Variants in NCAM2 observed in about 807,000 individuals in gnomAD.
NCAM2 encodes N-CAM-2.
In NCAM2, 30 loss-of-function variants were observed where a neutral mutation model predicts 98.1. That is an observed-to-expected ratio of 0.31 (90% CI 0.23 to 0.41). NCAM2 has a LOEUF of 0.41. Ranked by LOEUF, NCAM2 falls within the 10% of genes least tolerant of loss-of-function variation. The probability of loss-of-function intolerance (pLI) is 1.00; values close to 1 mark genes in which losing one functional copy is unlikely to be tolerated. For missense variants in NCAM2, 867 were observed against 1,005.8 expected (o/e 0.86, Z 1.87); for synonymous variants, 368 against 342.4 (o/e 1.07, Z -0.83).
intron 4 of NCAM2, chr21:21,290,289 T>A (rs922586723): frequency 5.9e-5 from 9 of 151,980 alleles, no homozygotes; most frequent in African/African-American, 2.2e-4. Flanking sequence ...CTAAGTATGA[T>A]AGTGTTCCTC....
chr21:21,187,462 C>A (rs57844616), intron 1 of NCAM2, among the ~76,000 whole-genome samples: 71,302 of 150,732 alleles, frequency 0.47, 17,097 homozygotes, highest in African/African-American at 0.51. Context: ...ACAACAACAA[C>A]AAAAAAGGGA....
intron 1 of NCAM2, among the ~76,000 whole-genome samples, chr21:21,053,446 T>A (rs536870107): frequency 5.3e-5 from 8 of 151,932 alleles, no homozygotes; most frequent in Non-Finnish European, 1.2e-4. Flanking sequence ...CCATTTTAAC[T>A]AGTTTAATTA....
At chr21:21,102,073 T>A (rs1007858250) in intron 1 of NCAM2, among the ~76,000 whole-genome samples, 4 of 152,018 alleles carry the variant, frequency 2.6e-5, no homozygotes, top group Non-Finnish European at 5.9e-5. Flanking sequence ...AGTGAAGGTC[T>A]GTCTTCCTGA....
At chr21:21,391,776 C>T (rs553522977) in intron 9 of NCAM2, among the ~76,000 whole-genome samples, 68 of 151,088 alleles carry the variant, frequency 4.5e-4, no homozygotes, top group African/African-American at 1.6e-3. Context: ...CAGAATTCTT[C>T]ACATGCAACA....
chr21:21,180,082 T>A (rs2068420732), intron 1 of NCAM2, among the ~76,000 whole-genome samples: 1 of 152,128 alleles, frequency 6.6e-6, no homozygotes, highest in African/African-American at 2.4e-5. Flanking sequence ...CATTTGTCCT[T>A]CCTCTTGGCT....
intron 1 of NCAM2, among the ~76,000 whole-genome samples, chr21:21,128,296 C>A (rs1315565728): frequency 6.6e-6 from 1 of 151,480 alleles, no homozygotes; most frequent in Non-Finnish European, 1.5e-5. Context: ...TAAAGTCTCT[C>A]TTTACTTTGG....
chr21:21,188,754 T>C (rs1454958276), intron 1 of NCAM2, among the ~76,000 whole-genome samples: 1 of 152,196 alleles, frequency 6.6e-6, no homozygotes, highest in Non-Finnish European at 1.5e-5. Flanking sequence ...CATATGCATC[T>C]TGTGGATCAC....
chr21:21,401,719 A>G (rs141191171), intron 9 of NCAM2, among the ~76,000 whole-genome samples: 1 of 152,252 alleles, frequency 6.6e-6, no homozygotes, highest in East Asian at 1.9e-4. Context: ...ATCTGATTTC[A>G]TGTCTTGACT....
chr21:21,382,931 T>C (rs532021926), intron 9 of NCAM2, among the ~76,000 whole-genome samples: 2 of 152,296 alleles, frequency 1.3e-5, no homozygotes, highest in South Asian at 4.1e-4. Flanking sequence ...CCATTTCATT[T>C]TATCTATTTT....
chr21:21,266,734 G>C, intron 1 of NCAM2, among the ~76,000 whole-genome samples: 1 of 151,924 alleles, frequency 6.6e-6, no homozygotes, highest in Non-Finnish European at 1.5e-5. Flanking sequence ...GGTGGGTGGA[G>C]GGGGGAGGGA....
At chr21:21,145,727 G>T (rs918651709) in intron 1 of NCAM2, among the ~76,000 whole-genome samples, 3 of 152,146 alleles carry the variant, frequency 2.0e-5, no homozygotes, top group East Asian at 3.9e-4. Flanking sequence ...ATTCAGAAGA[G>T]ATTTAGAATA....
intron 1 of NCAM2, among the ~76,000 whole-genome samples, chr21:21,123,501 C>T (rs1350353607): frequency 5.9e-5 from 9 of 152,074 alleles, no homozygotes; most frequent in Admixed American, 3.3e-4. Flanking sequence ...ATATTATCTA[C>T]CTTTCCTCAG....
chr21:21,293,061 G>A (rs750977168), intron 5 of NCAM2, among the ~76,000 whole-genome samples: 10 of 151,784 alleles, frequency 6.6e-5, no homozygotes, highest in East Asian at 1.9e-4. Flanking sequence ...GGGGAAAACC[G>A]CCTCCATGAT....
At chr21:21,359,272 C>T (rs1344597132) in intron 8 of NCAM2, among the ~76,000 whole-genome samples, 1 of 151,896 alleles carries the variant, frequency 6.6e-6, no homozygotes, top group Admixed American at 6.6e-5. Flanking sequence ...TTCTATTCCC[C>T]ATCTGATGTA....
chr21:21,275,229 A>C (rs1568870879), intron 1 of NCAM2, among the ~76,000 whole-genome samples: 2 of 151,862 alleles, frequency 1.3e-5, no homozygotes, highest in African/African-American at 2.4e-5. Flanking sequence ...TCACCAGGTC[A>C]GGAGATTGAG....
At chr21:21,462,716 T>A (rs899789395) in intron 12 of NCAM2, among the ~76,000 whole-genome samples, 1 of 152,070 alleles carries the variant, frequency 6.6e-6, no homozygotes, top group African/African-American at 2.4e-5. Flanking sequence ...TAAAGCGTTA[T>A]TTCTAAAATT....
intron 15 of NCAM2, among the ~76,000 whole-genome samples, chr21:21,486,303 C>CAAAAAAAAA (rs67182493): frequency 5.7e-5 from 3 of 52,262 alleles, no homozygotes; most frequent in African/African-American, 2.5e-4. Flanking sequence ...GACTCCGTCT[C>CAAAAAAAAA]AAAAAAAAAA....
chr21:21,460,058 TTAAATATATA>T (rs1028292502), intron 12 of NCAM2, among the ~76,000 whole-genome samples: 14 of 151,962 alleles, frequency 9.2e-5, no homozygotes, highest in African/African-American at 3.1e-4. Flanking sequence ...GTTAAACCCC[TTAAATATATA>T]TAATTTTATT....
chr21:21,334,686 A>G (rs1001224611), intron 6 of NCAM2, among the ~76,000 whole-genome samples: 1 of 152,098 alleles, frequency 6.6e-6, no homozygotes, highest in Non-Finnish European at 1.5e-5. Context: ...AATACACAAT[A>G]TAAAACGATT....
Sources: gnomAD v4.1 joint callset for allele counts (sites outside exome capture counted in the v4.1 genomes callset) on GRCh38, gnomAD v4.1.1 for gene constraint, MANE v1.5 for transcripts, NCBI Gene and HGNC (gene_info 2026-07-23, HGNC 2026-07-21) for gene names.